Variants in EOLA1 observed in about 807,000 individuals in gnomAD.
EOLA1 encodes the protein protein EOLA1.
In EOLA1, 1 loss-of-function variant was observed where a neutral mutation model predicts 4.5. The observed-to-expected ratio is 0.22, with a 90% CI of 0.08 to 1.05. EOLA1 has a LOEUF of 1.05. EOLA1 is among the 50% of genes least tolerant of loss of function. EOLA1 has a pLI of 0.57. For missense variants in EOLA1, 69 were observed against 127.2 expected (o/e 0.54, Z 2.20); for synonymous variants, 37 against 52.3 (o/e 0.71, Z 1.26).
At chrX:149,542,259 G>A (rs1330660726) in intron 2 of EOLA1, among the ~76,000 whole-genome samples, 174 bp downstream of exon 2, 1 of 112,014 alleles carries the variant, frequency 8.9e-6, no homozygotes, top group Non-Finnish European at 1.9e-5. Flanking sequence ...CATTTATCCC[G>A]ATGGAAGTGG....
rs781841340 is a variant in EOLA1 at position 149,545,656 on chromosome X, G to A, written c.26G>A (p.Arg9Gln). 7 of 1,207,427 alleles carry A rather than the reference G, an allele frequency of 5.8e-6. No individual in the cohort carries two copies. The highest frequency in any genetic ancestry group is 2.3e-4 in the Middle Eastern group (1 of 4,355). The stretch of plus-strand genomic sequence containing the variant: ...ATGAAGTTTGGCTGCCTCTCCTTCC[G>A]GCAGCCTTATGCTGGCTTTGTCTTA... The part of the protein sequence containing the change: MKFGCLSF[R>Q]QPYAGFVLNG... The change falls in exon 4 of 5, where the codon CGG becomes CAG. Residue 9 changes from arginine (R) to glutamine (Q), a missense_variant. Coordinates refer to ENST00000393985, the MANE Select transcript of EOLA1 (RefSeq NM_001171907.3).
In EOLA1 at chrX:149,545,644, G is replaced by A. The variant is rs1419721977; in HGVS notation, c.14G>A (p.Cys5Tyr). 8.3e-7 allele frequency: 1 copy of A among 1,205,789 alleles called. No individual in the cohort carries two copies. The highest frequency in any genetic ancestry group is 1.1e-6 in the Non-Finnish European group (1 of 891,109). Residue 5 changes from cysteine (C) to tyrosine (Y), a missense_variant, in exon 4 of 5, where the codon TGC becomes TAC. Coordinates refer to ENST00000393985, the MANE Select transcript of EOLA1 (RefSeq NM_001171907.3). MKFG[C>Y]LSFRQPYAGF... ...GCGCTTGCGAAGATGAAGTTTGGCT[G>A]CCTCTCCTTCCGGCAGCCTTATGCT...
chrX:149,544,975 G>A (rs1294526759), intron 2 of EOLA1: 6 of 731,923 alleles, frequency 8.2e-6, no homozygotes, highest in Non-Finnish European at 9.7e-6. Context: ...GAGAGCAGTG[G>A]TAGGGGAAGG....
At position 149,547,601 on chromosome X, in the gene EOLA1, A is replaced by G. The variant is rs1455518943; in HGVS notation, c.*639A>G. On this transcript the variant is annotated 3_prime_UTR_variant, in exon 5 of 5. Transcript: ENST00000393985. ...CACACAGCTACTTCCTATCCTAGCA[A>G]TACATCCAAAATACAGCTCTAGTAG... 5.0e-5 allele frequency: 10 copies of G among 200,165 alleles called. No individual in the cohort carries two copies. Among genetic ancestry groups the G allele is most frequent in the Admixed American group, 2.2e-4 (2 of 8,959 alleles). 16.5% of individuals were successfully genotyped at this position (200,165 alleles called of 1,213,427 possible). A position where few individuals can be genotyped will look rare whatever the true frequency, so the allele number is the denominator to read the frequency against.
chrX:149,544,614 G>A, intron 2 of EOLA1: 1 of 753,257 alleles, frequency 1.3e-6, no homozygotes, highest in Non-Finnish European at 1.6e-6. Context: ...GTCTATGACT[G>A]GGCTGAGGTT....
chrX:149,541,674 G>A (rs1394849638), intron 1 of EOLA1: 2 of 507,950 alleles, frequency 3.9e-6, no homozygotes, highest in Admixed American at 1.8e-4. Flanking sequence ...GGGATTTAGA[G>A]TCCCAAACAC....
chrX:149,548,502 A>T (rs1483468590), downstream of EOLA1: 79 of 926,752 alleles, frequency 8.5e-5, 1 homozygote, highest in Non-Finnish European at 9.9e-5. Flanking sequence ...TTATCTGAGT[A>T]AACCAGACTA....
chrX:149,548,105 G>A lies in EOLA1; in HGVS notation c.*1143G>A, dbSNP rs1276299854. 5.0e-5 allele frequency: 10 copies of A among 200,393 alleles called. No homozygotes were observed. Among genetic ancestry groups the A allele is most frequent in the Non-Finnish European group, 7.9e-5 (9 of 114,049 alleles). 16.5% of individuals were successfully genotyped at this position (200,393 alleles called of 1,213,427 possible). ...AATGCTGCTTCTCCAAATAAACAAG[G>A]ACAATGGGGACCAAAGCCTGTCTTG... On this transcript the variant is annotated 3_prime_UTR_variant, in exon 5 of 5. Transcript: ENST00000393985.
intron 4 of EOLA1, 92 bp downstream of exon 4, chrX:149,545,975 A>G: frequency 1.0e-6 from 1 of 969,244 alleles, no homozygotes. Flanking sequence ...TGTCATCTGA[A>G]CTGATTGGCG....
Position 149,545,607 on chromosome X carries a change from G to A in EOLA1, c.-24G>A, listed in dbSNP as rs782014635. 13 of 1,200,121 alleles carry A rather than the reference G, an allele frequency of 1.1e-5. No homozygotes were observed. Among genetic ancestry groups the A allele is most frequent in the Non-Finnish European group, 1.5e-5 (13 of 886,757 alleles). On this transcript the variant is annotated 5_prime_UTR_variant, in exon 4 of 5. Transcript: ENST00000393985. The stretch of plus-strand genomic sequence containing the variant: ...GCGCTTCTGTGCTTCCGCAGGCTAC[G>A]GGAGGCCCGGGGCGCTTGCGAAGAT...
In EOLA1 at chrX:149,547,068, T is replaced by C; in HGVS notation, c.*106T>C. On this transcript the variant is annotated 3_prime_UTR_variant, in exon 5 of 5. Coordinates refer to ENST00000393985, the MANE Select transcript of EOLA1 (RefSeq NM_001171907.3). ...CTGTATACATTAGGTTAAATCTGAA[T>C]TTCCACTGCTTTGGAGAGTCCCACC... is the stretch of plus-strand genomic sequence containing the variant. 1 of 1,154,609 alleles carries C rather than the reference T, an allele frequency of 8.7e-7. No individual in the cohort carries two copies. Among genetic ancestry groups the C allele is most frequent in the Non-Finnish European group, 1.2e-6 (1 of 865,419 alleles).
At chrX:149,545,575 G>A (rs1557347516) in intron 3 of EOLA1, 27 bp from the exon 4 acceptor site, 10 of 1,185,371 alleles carry the variant, frequency 8.4e-6, no homozygotes, top group South Asian at 1.9e-5. Context: ...GAGGGCTGGC[G>A]TGTGATGCGC....
Position 149,541,359 on chromosome X carries a change from G to T in EOLA1, c.-230+16G>T, listed in dbSNP as rs36029735. The T allele has an allele frequency of 0.067, 7,653 of 113,738 alleles. 202 individuals are homozygous for T. The highest frequency in any genetic ancestry group is 0.075 in the Non-Finnish European group (4,016 of 53,319). 9.4% of individuals were successfully genotyped at this position (113,738 alleles called of 1,213,427 possible). A position where few individuals can be genotyped will look rare whatever the true frequency, so the allele number is the denominator to read the frequency against. ...CTTGCGGACGGTACCTGAGGGCTGG[G>T]GTTTCCCTGGATGTGGGGCTGGGAA... On this transcript the variant is annotated intron_variant, in intron 1 of 4. Coordinates refer to ENST00000393985, the MANE Select transcript of EOLA1 (RefSeq NM_001171907.3).
downstream of EOLA1, chrX:149,550,467 C>T (rs2089904126): frequency 1.0e-5 from 1 of 96,919 alleles, no homozygotes; most frequent in Admixed American, 1.0e-4. Flanking sequence ...CTGCTTTGGT[C>T]TCTTCCAGGT....
At chrX:149,548,346 T>C, downstream of EOLA1, 1 of 933,269 alleles carries the variant, frequency 1.1e-6, no homozygotes, top group East Asian at 4.2e-5. Context: ...TTTGCAGTGT[T>C]TCTGAACTGT....
Position 149,545,704 on chromosome X carries a change from C to G in EOLA1, c.74C>G (p.Thr25Arg). The G allele has an allele frequency of 8.3e-7, 1 of 1,211,780 alleles. No homozygotes were observed. The highest frequency in any genetic ancestry group is 1.1e-6 in the Non-Finnish European group (1 of 895,354). ...FVLNGIKTVE[T>R]RWRPLLSSQR... The stretch of plus-strand genomic sequence containing the variant: ...TTAAATGGAATCAAGACTGTGGAGA[C>G]GCGCTGGCGTCCCCTGCTGAGCAGC... The change falls in exon 4 of 5, where the codon ACG (threonine) becomes AGG (arginine). Residue 25 changes from threonine to arginine, a missense_variant. Physicochemically the swap from Thr to Arg is moderately conservative, Grantham distance 71 (BLOSUM62 -1). Coordinates refer to ENST00000393985, the MANE Select transcript of EOLA1 (RefSeq NM_001171907.3).
rs1363135251 is a variant in EOLA1 at position 149,545,437 on chromosome X, C to T, written c.-93C>T. 3 of 1,088,878 alleles carry T rather than the reference C, an allele frequency of 2.8e-6. No homozygotes were observed. The highest frequency in any genetic ancestry group is 3.6e-6 in the Non-Finnish European group (3 of 837,997). 89.7% of individuals were successfully genotyped at this position (1,088,878 alleles called of 1,213,427 possible). ...GGACCTGAGTCAGCCGAATCCCAGC[C>T]CCTTCCCTTGGGCCTGCTGTGGTGC... On this transcript the variant is annotated 5_prime_UTR_variant, in exon 3 of 5. Transcript: ENST00000393985.
chrX:149,545,233 A>C, intron 2 of EOLA1, 135 bp from the exon 3 acceptor site: 7 of 684,784 alleles, frequency 1.0e-5, no homozygotes, highest in Non-Finnish European at 1.2e-5. Context: ...TCTGTGCTGG[A>C]AGAGGGCTAA....
rs1259652057 is a variant in EOLA1 at position 149,541,035 on chromosome X, C to T, written c.-538C>T. On this transcript the variant is annotated 5_prime_UTR_variant, in exon 1 of 5. Coordinates refer to ENST00000393985, the MANE Select transcript of EOLA1 (RefSeq NM_001171907.3). The stretch of plus-strand genomic sequence containing the variant: ...GCGGAAGAGTTATAGACCGCTAACA[C>T]CTGTCACTGGCCACTGGTTTCCCGG... 3 of 112,861 alleles carry T rather than the reference C, an allele frequency of 2.7e-5. No individual in the cohort carries two copies. The highest frequency in any genetic ancestry group is 9.7e-5 in the African/African-American group (3 of 31,045). 9.3% of individuals were successfully genotyped at this position (112,861 alleles called of 1,213,427 possible). A position where few individuals can be genotyped will look rare whatever the true frequency, so the allele number is the denominator to read the frequency against.
Sources: gnomAD v4.1 joint callset for allele counts (sites outside exome capture counted in the v4.1 genomes callset) on GRCh38, gnomAD v4.1.1 for gene constraint, MANE v1.5 for transcripts, NCBI Gene and HGNC (gene_info 2026-07-23, HGNC 2026-07-21) for gene names.